CD6: variants seen among roughly 807,000 people sequenced by gnomAD.
CD6 encodes CD6 molecule, also known as T-cell differentiation antigen CD6.
A neutral mutation model predicts 75.3 loss-of-function variants in CD6; 53 were observed. The ratio of observed to expected loss-of-function variants is 0.70; its 90% confidence interval spans 0.56 to 0.88. The LOEUF is 0.88. CD6 is among the 40% of genes least tolerant of loss of function. The pLI is 0.00. For missense variants in CD6, 770 were observed against 897.1 expected (o/e 0.86, Z 1.81); for synonymous variants, 359 against 381.5 (o/e 0.94, Z 0.69).
At position 61,007,449 on chromosome 11, in the gene CD6, C is replaced by T. The variant is rs1858914903; in HGVS notation, c.119-111C>T. The T allele has an allele frequency of 1.2e-6, 1 of 864,890 alleles. No individual in the cohort carries two copies. Among genetic ancestry groups the T allele is most frequent in the Non-Finnish European group, 1.6e-6 (1 of 614,768 alleles). 53.6% of individuals were successfully genotyped at this position (864,890 alleles called of 1,614,324 possible). A position where few individuals can be genotyped will look rare whatever the true frequency, so the allele number is the denominator to read the frequency against. ...ATTTTGCAGACTGGAAAGCTGAGAC[C>T]CCTAGCCAGGCAGGGCGTTGTCAAA... is the stretch of plus-strand genomic sequence containing the variant. On this transcript the variant is annotated intron_variant, in intron 2 of 12. Transcript: ENST00000313421. The surrounding 1 kb of genome is among the most constrained non-coding windows in gnomAD (Gnocchi z 4.2).
chr11:60,981,978 G>A (rs1168282319), intron 1 of CD6, among the ~76,000 whole-genome samples: 1 of 151,332 alleles, frequency 6.6e-6, no homozygotes, highest in Non-Finnish European at 1.5e-5. Context: ...TCAAAAGTCC[G>A]GCCAATAAGT....
intron 1 of CD6, among the ~76,000 whole-genome samples, chr11:60,988,465 G>A (rs936859528): frequency 6.6e-6 from 1 of 151,964 alleles, no homozygotes; most frequent in African/African-American, 2.4e-5. Context: ...TTTGAATCTG[G>A]ATTTATTTAA....
intron 1 of CD6, among the ~76,000 whole-genome samples, chr11:60,999,925 C>T (rs1050088841): frequency 5.9e-5 from 9 of 151,786 alleles, no homozygotes; most frequent in South Asian, 2.1e-4. Context: ...TGGTGGCAGG[C>T]GCCTGTAACC....
chr11:60,987,101 C>A (rs1425187645), intron 1 of CD6, among the ~76,000 whole-genome samples: 1 of 152,082 alleles, frequency 6.6e-6, no homozygotes, highest in Non-Finnish European at 1.5e-5. Context: ...GTGCGAGACT[C>A]CATCTCAAAA....
chr11:60,983,664 A>C (rs184507299), intron 1 of CD6, among the ~76,000 whole-genome samples: 1 of 151,534 alleles, frequency 6.6e-6, no homozygotes, highest in Admixed American at 6.6e-5. Flanking sequence ...ACATTTTCTT[A>C]CATAACCACA....
Position 61,019,417 on chromosome 11 carries a change from A to C in CD6, c.*99A>C. The C allele has an allele frequency of 2.7e-5, 24 of 895,642 alleles. No homozygotes were observed. Among genetic ancestry groups the C allele is most frequent in the Non-Finnish European group, 3.4e-5 (20 of 586,996 alleles). The allele number at this position is 895,642 out of a possible 1,614,324, so 55.5% of individuals were successfully genotyped here. ...TCCCACCCTCCCAGCTCACCTCCCC[A>C]TGGAGCTGAGAGGCCTCCCTTGGAG... is the stretch of plus-strand genomic sequence containing the variant. On this transcript the variant is annotated 3_prime_UTR_variant, in exon 13 of 13. Transcript: ENST00000313421.
chr11:60,996,772 T>C (rs1043549505), intron 1 of CD6, among the ~76,000 whole-genome samples: 2 of 152,232 alleles, frequency 1.3e-5, no homozygotes, highest in African/African-American at 4.8e-5. Flanking sequence ...GGGAGATCAC[T>C]GCGCTGCACT....
chr11:61,009,884 C>G lies in CD6; in HGVS notation c.1084+10C>G. 1 of 1,529,400 alleles carries G rather than the reference C, an allele frequency of 6.5e-7. No homozygotes were observed. The highest frequency in any genetic ancestry group is 8.8e-7 in the Non-Finnish European group (1 of 1,139,234). The allele number at this position is 1,529,400 out of a possible 1,614,324, so 94.7% of individuals were successfully genotyped here. On this transcript the variant is annotated intron_variant, in intron 5 of 12. Transcript: ENST00000313421. Reference sequence around the variant, plus strand: ...AGGGTCCTCTGCTCAGGTACCCCATCCTACTCCACCCCCCCAGATTTGAGC... The same window carrying G: ...AGGGTCCTCTGCTCAGGTACCCCATGCTACTCCACCCCCCCAGATTTGAGC...
chr11:61,008,397 C>T (rs1245441223), intron 3 of CD6, 137 bp from the exon 4 acceptor site: 2 of 826,248 alleles, frequency 2.4e-6, no homozygotes, highest in African/African-American at 3.5e-5. Context: ...GGGGGGATTC[C>T]CAGTCTTGCC....
intron 1 of CD6, among the ~76,000 whole-genome samples, chr11:60,983,426 T>A (rs1857666490): frequency 6.6e-6 from 1 of 152,112 alleles, no homozygotes; most frequent in South Asian, 2.1e-4. Context: ...TCAGGCTAAT[T>A]TCAGACTTAC....
chr11:60,991,149 C>CTA (rs1858047452), intron 1 of CD6, among the ~76,000 whole-genome samples: 1 of 114,714 alleles, frequency 8.7e-6, no homozygotes, highest in Non-Finnish European at 1.7e-5. Context: ...CTTTTTCTTT[C>CTA]TTTTTTTTTT....
chr11:61,008,898 C>T (rs1045054393), intron 4 of CD6, 53 bp downstream of exon 4: 4 of 1,422,262 alleles, frequency 2.8e-6, no homozygotes, highest in African/African-American at 1.4e-5. Flanking sequence ...CACCATAGGC[C>T]TACTGGGCGC....
intron 1 of CD6, among the ~76,000 whole-genome samples, chr11:60,977,229 A>G (rs1328547147): frequency 6.6e-6 from 1 of 152,192 alleles, no homozygotes; most frequent in Non-Finnish European, 1.5e-5. Flanking sequence ...TTCTGAGTTA[A>G]GGAATCAGAC....
intron 1 of CD6, among the ~76,000 whole-genome samples, chr11:60,980,638 G>A (rs2135013609): frequency 6.6e-6 from 1 of 152,278 alleles, no homozygotes; most frequent in East Asian, 1.9e-4. Context: ...AGACCAGCCT[G>A]GCCAATATGG....
At chr11:61,005,338 C>G (rs1431373201) in intron 1 of CD6, among the ~76,000 whole-genome samples, 2 of 152,150 alleles carry the variant, frequency 1.3e-5, no homozygotes, top group Non-Finnish European at 2.9e-5. Context: ...ACATGAGGGA[C>G]ACAGCCTACC....
rs1859461542 is a variant in CD6, at chr11:61,017,508, G to A, written c.1540G>A (p.Glu514Lys). ...NSQRHRVTDEEVQQSRFQMPP... is the reference protein window; with the variant it reads ...NSQRHRVTDEKVQQSRFQMPP... The stretch of plus-strand genomic sequence containing the variant: ...CCAGCGGCATCGGGTCACAGATGAG[G>A]AGGTCCAGCAAAGCAGGTTCCAGAT... The change falls in exon 10 of 13, where the codon GAG (glutamate) becomes AAG (lysine). Residue 514 changes from glutamate to lysine, a missense_variant. By Grantham distance (56) the Glu-to-Lys change is moderately conservative. Transcript: ENST00000313421. 4.5e-6 allele frequency: 7 copies of A among 1,550,462 alleles called. No homozygotes were observed. The highest frequency in any genetic ancestry group is 1.4e-5 in the African/African-American group (1 of 72,830).
At chr11:60,998,092 AT>A (rs1428800322) in intron 1 of CD6, among the ~76,000 whole-genome samples, 1 of 152,226 alleles carries the variant, frequency 6.6e-6, no homozygotes, top group African/African-American at 2.4e-5. Flanking sequence ...TGAAAACAGT[AT>A]GCTGTAGTAG....
intron 1 of CD6, among the ~76,000 whole-genome samples, chr11:61,002,941 A>G (rs1405424722): frequency 3.0e-5 from 4 of 133,428 alleles, no homozygotes; most frequent in Admixed American, 7.9e-5. Flanking sequence ...CAGACTCCTC[A>G]TGACCTAATC....
Position 61,007,514 on chromosome 11 carries a change from C to T in CD6, c.119-46C>T. ...TCAGTGGCAGAGCCTGGGCAACCCT[C>T]TGCCCAGGCCCCACCGGTCTCAGCT... On this transcript the variant is annotated intron_variant, in intron 2 of 12. Coordinates refer to ENST00000313421, the MANE Select transcript of CD6 (RefSeq NM_006725.5). This position sits in a 1 kb window ranked among gnomAD's most constrained non-coding sequence, Gnocchi z 4.2. 1 of 1,335,356 alleles carries T rather than the reference C, an allele frequency of 7.5e-7. No individual in the cohort carries two copies. Among genetic ancestry groups the T allele is most frequent in the Non-Finnish European group, 9.8e-7 (1 of 1,023,192 alleles). The allele number at this position is 1,335,356 out of a possible 1,614,324, so 82.7% of individuals were successfully genotyped here.
Sources: allele counts gnomAD v4.1 joint callset (sites outside exome capture counted in the v4.1 genomes callset), GRCh38; gene constraint gnomAD v4.1.1; non-coding constraint Gnocchi (gnomAD v3.1); transcripts MANE v1.5; gene names NCBI Gene and HGNC (gene_info 2026-07-23, HGNC 2026-07-21).